KDM5B: variants seen among roughly 807,000 people sequenced by gnomAD.
KDM5B encodes the protein lysine-specific demethylase 5B.
A neutral mutation model predicts 193.4 loss-of-function variants in KDM5B; 144 were observed. The observed-to-expected ratio is 0.74, with a 90% CI of 0.65 to 0.86. The LOEUF is 0.86. Ranked by LOEUF, KDM5B falls within the 40% of genes least tolerant of loss-of-function variation. KDM5B has a pLI of 0.00. For missense variants in KDM5B, 1,833 were observed against 1,886.9 expected, an observed-to-expected ratio of 0.97 and a Z score of 0.53; for synonymous variants, 668 against 682.6, an observed-to-expected ratio of 0.98 and a Z score of 0.33.
chr1:202,795,436 G>A lies in KDM5B; in HGVS notation c.204+12666C>T, dbSNP rs551053210. On this transcript the variant is annotated intron_variant, in intron 1 of 26. Coordinates refer to ENST00000367265, the MANE Select transcript of KDM5B (RefSeq NM_006618.5). ...GGAGGCTGAGGCAGACAGATCATCC[G>A]AGGTCAGGAGTTTGAGACCAGCCTG... is the stretch of plus-strand genomic sequence containing the variant. 1.6e-4 allele frequency among the ~76,000 whole-genome samples: 25 copies of A among 152,086 alleles called. No homozygotes were observed. In the South Asian group the frequency reaches 5.2e-3, roughly 32 times the overall value.
intron 7 of KDM5B, 78 bp from the exon 8 acceptor site, chr1:202,760,651 G>A (rs868244797): frequency 9.6e-7 from 1 of 1,037,006 alleles, no homozygotes; most frequent in South Asian, 1.8e-5. Context: ...AAATGAAATG[G>A]ATCTGAGACA....
rs1319685177 is a variant in KDM5B at position 202,735,778 on chromosome 1, ATTCC to A, written c.3265-195_3265-192del. ...AGGAAGACTCATAAAAGATAGACTGATTCCTTATTCAATTAAGTAACAAGTTAAA... is the reference window on the plus strand; with the variant it reads ...AGGAAGACTCATAAAAGATAGACTGATTATTCAATTAAGTAACAAGTTAAA... On this transcript the variant is annotated intron_variant, in intron 21 of 26. Coordinates refer to ENST00000367265, the MANE Select transcript of KDM5B (RefSeq NM_006618.5). Among the ~76,000 whole-genome samples, 3 of 152,360 alleles carry A rather than the reference ATTCC, an allele frequency of 2.0e-5. No individual in the cohort carries two copies. The East Asian group carries it at 5.8e-4, about 29-fold the overall frequency.
intron 1 of KDM5B, among the ~76,000 whole-genome samples, chr1:202,785,696 G>C (rs1050680518): frequency 6.6e-6 from 1 of 152,154 alleles, no homozygotes. Context: ...CAGATCATGA[G>C]GTCAGGAGTT....
intron 1 of KDM5B, among the ~76,000 whole-genome samples, chr1:202,780,074 G>C (rs1657139735): frequency 6.6e-6 from 1 of 151,968 alleles, no homozygotes; most frequent in Non-Finnish European, 1.5e-5. Flanking sequence ...CATAAGACTG[G>C]CACCCAACTT....
chr1:202,736,429 A>G, intron 20 of KDM5B, 37 bp from the exon 21 acceptor site: 1 of 1,470,852 alleles, frequency 6.8e-7, no homozygotes, highest in East Asian at 2.5e-5. Flanking sequence ...GTTTAGAGAA[A>G]AGAACACTTC....
intron 1 of KDM5B, among the ~76,000 whole-genome samples, chr1:202,791,411 T>C (rs1237924186): frequency 1.3e-5 from 2 of 152,200 alleles, no homozygotes; most frequent in South Asian, 4.1e-4. Flanking sequence ...ATACTAACAA[T>C]GAACTTACTA....
intron 1 of KDM5B, among the ~76,000 whole-genome samples, chr1:202,802,421 T>C (rs1658113935): frequency 6.6e-6 from 1 of 152,186 alleles, no homozygotes; most frequent in Non-Finnish European, 1.5e-5. Flanking sequence ...GTTTTCTTTT[T>C]TGAGCCTGTT....
rs1656203714 is a variant in KDM5B, at chr1:202,760,488, T to C, written c.1004A>G (p.His335Arg). The change falls in exon 8 of 27, where the codon CAT becomes CGT. Residue 335 changes from histidine to arginine, a missense_variant. His to Arg is a conservative substitution (Grantham distance 29). Coordinates refer to ENST00000367265, the MANE Select transcript of KDM5B (RefSeq NM_006618.5). ...GAGAGGTGGGATCAAGCAAAAGGTA[T>C]GGTAACTGTCATCACAGCCATCACA... ...LLCDGCDDSY[H>R]TFCLIPPLHD... 1 of 1,613,628 alleles carries C rather than the reference T, an allele frequency of 6.2e-7. No homozygotes were observed. The highest frequency in any genetic ancestry group is 8.5e-7 in the Non-Finnish European group (1 of 1,179,698).
chr1:202,741,668 C>T lies in KDM5B; in HGVS notation c.2644G>A (p.Glu882Lys). The change falls in exon 19 of 27, where the codon GAG becomes AAG. Residue 882 changes from glutamate to lysine, a missense_variant. This residue lies in a region of KDM5B where 1,379 missense variants were observed against 1,349.6 expected (regional missense o/e 1.02). Coordinates refer to ENST00000367265, the MANE Select transcript of KDM5B (RefSeq NM_006618.5). ...FQQHSQKLLS[E>K]ETPSAAELQD... ...AGCTCCGCAGCACTAGGCGTTTCCT[C>T]AGAGAGTAGTTTCTGACTATGCTGT... 6.2e-7 allele frequency: 1 copy of T among 1,613,926 alleles called. No homozygotes were observed. The highest frequency in any genetic ancestry group is 8.5e-7 in the Non-Finnish European group (1 of 1,179,968).
At position 202,748,943 on chromosome 1, in the gene KDM5B, A is replaced by G. The variant is rs1168076460; in HGVS notation, c.2016+2T>C. Reference sequence around the variant, plus strand: ...ATGCAGTTGGATTTCCATAAGCCTTACCAATTTACGGACAGTTTCTCTTAA... The same window carrying G: ...ATGCAGTTGGATTTCCATAAGCCTTGCCAATTTACGGACAGTTTCTCTTAA... On this transcript the variant is annotated splice_donor_variant, in intron 14 of 26. Transcript: ENST00000367265. LOFTEE classifies it high-confidence loss of function. 6.2e-7 allele frequency: 1 copy of G among 1,607,500 alleles called. No homozygotes were observed. Among genetic ancestry groups the G allele is most frequent in the Non-Finnish European group, 8.5e-7 (1 of 1,176,782 alleles).
intron 23 of KDM5B, 73 bp from the exon 24 acceptor site, chr1:202,732,012 A>G (rs1432342519): frequency 6.2e-6 from 5 of 810,140 alleles, no homozygotes; most frequent in Non-Finnish European, 7.6e-6. Context: ...CAATGACAGT[A>G]GCTTGCATTA....
intron 4 of KDM5B, among the ~76,000 whole-genome samples, chr1:202,770,664 A>G (rs4333896): frequency 0.78 from 117,964 of 152,122 alleles, 46,941 homozygotes; most frequent in Admixed American, 0.86. Context: ...TCAATGATAC[A>G]GCAAATGCTC....
chr1:202,807,102 G>C (rs1030611693), intron 1 of KDM5B: 11 of 152,294 alleles, frequency 7.2e-5, no homozygotes, highest in African/African-American at 2.7e-4. Context: ...CTGTAGACAG[G>C]GCTGGAAGGG....
chr1:202,803,596 G>C (rs1658165119), intron 1 of KDM5B, among the ~76,000 whole-genome samples: 1 of 151,904 alleles, frequency 6.6e-6, no homozygotes, highest in South Asian at 2.1e-4. Context: ...GGCCGAGGTG[G>C]GTGGATCACC....
At chr1:202,736,924 C>G (rs976811114) in intron 20 of KDM5B, among the ~76,000 whole-genome samples, 1 of 152,150 alleles carries the variant, frequency 6.6e-6, no homozygotes, top group Non-Finnish European at 1.5e-5. Context: ...TTACAGTGAG[C>G]CACTGTGCTG....
intron 20 of KDM5B, 102 bp from the exon 21 acceptor site, chr1:202,736,494 C>G: frequency 1.3e-6 from 1 of 769,956 alleles, no homozygotes; most frequent in Non-Finnish European, 1.9e-6. Flanking sequence ...CTTCAGATTA[C>G]TCCATGATCT....
At position 202,767,614 on chromosome 1, in the gene KDM5B, G is replaced by T. The variant is rs1432842508; in HGVS notation, c.577-554C>A. On this transcript the variant is annotated intron_variant, in intron 4 of 26. Transcript: ENST00000367265. ...TTACAACTATTTATGTAGACAACAG[G>T]CCTACAATTTTTAAAAATCTAAATA... Among the ~76,000 whole-genome samples, 4 of 151,970 alleles carry T rather than the reference G, an allele frequency of 2.6e-5. No homozygotes were observed. In the East Asian group the frequency reaches 7.7e-4, roughly 29 times the overall value.
chr1:202,732,076 C>G lies in KDM5B; in HGVS notation c.3910-137G>C, dbSNP rs185559822. On this transcript the variant is annotated intron_variant, in intron 23 of 26. Transcript: ENST00000367265. ...AAAAAAACAACTTGATTTTCCCCTA[C>G]TGAAGAGTCTCCTGGCATTTCAGAA... 15 of 607,432 alleles carry G rather than the reference C, an allele frequency of 2.5e-5. No homozygotes were observed. In the East Asian group the frequency reaches 4.4e-4, roughly 18 times the overall value. 37.6% of individuals were successfully genotyped at this position (607,432 alleles called of 1,614,324 possible).
At position 202,729,846 on chromosome 1, in the gene KDM5B, C is replaced by G. The variant is rs1441622877; in HGVS notation, c.4358G>C (p.Arg1453Thr). The G allele has an allele frequency of 1.2e-6, 2 of 1,614,198 alleles. No individual in the cohort carries two copies. Among genetic ancestry groups the G allele is most frequent in the Non-Finnish European group, 1.7e-6 (2 of 1,180,026 alleles). The change falls in exon 26 of 27, where the codon AGA (arginine) becomes ACA (threonine). Residue 1453 changes from arginine (R) to threonine (T), a missense_variant. By Grantham distance (71) the Arg-to-Thr change is moderately conservative (BLOSUM62 -1). Coordinates refer to ENST00000367265, the MANE Select transcript of KDM5B (RefSeq NM_006618.5). ...PKDMNNFKLE[R>T]ERSYELVRSA... is the part of the protein sequence containing the mutation. ...ACGAACTAATTCATAGCTACGCTCT[C>G]TCTCTAACTTGAAATTGTTCATGTC...
Sources: gnomAD v4.1 joint callset for allele counts (sites outside exome capture counted in the v4.1 genomes callset) on GRCh38, gnomAD v4.1.1 for gene constraint, gnomAD v4.1.1 regional missense constraint, MANE v1.5 for transcripts, NCBI Gene and HGNC (gene_info 2026-07-23, HGNC 2026-07-21) for gene names.